The following STARD13 variants were observed in gnomAD, a reference collection of about 807,000 sequenced individuals.
STARD13 encodes the protein StAR related lipid transfer domain containing 13.
Under a neutral mutation model 106.4 loss-of-function variants are expected in STARD13, and 62 were observed. That is an observed-to-expected ratio of 0.58 (90% CI 0.48 to 0.72). The LOEUF (loss-of-function observed/expected upper bound fraction) is 0.72. STARD13 is among the 30% of genes least tolerant of loss of function. STARD13 has a pLI of 0.00. For missense variants in STARD13, 1,387 were observed against 1,424.0 expected (o/e 0.97, Z 0.42); for synonymous variants, 565 against 553.0 (o/e 1.02, Z -0.31).
chr13:33,495,821 A>G, the STARD13 span, among the ~76,000 whole-genome samples: 1 of 146,026 alleles, frequency 6.8e-6, no homozygotes, highest in African/African-American at 2.5e-5. Context: ...TTATTACATA[A>G]TTAATATTAT....
intron 1 of STARD13, among the ~76,000 whole-genome samples, chr13:33,194,917 A>G (rs747429110): frequency 1.6e-4 from 24 of 152,370 alleles, no homozygotes; most frequent in Non-Finnish European, 2.1e-4. Context: ...ATATACACAT[A>G]CCAATATGTT....
the STARD13 span, among the ~76,000 whole-genome samples, chr13:33,474,127 C>T: frequency 6.6e-6 from 1 of 152,112 alleles, no homozygotes; most frequent in South Asian, 2.1e-4. Flanking sequence ...TTGGCCTTTC[C>T]ATGGGCCTCA....
chr13:33,208,478 G>A (rs1368518585), intron 1 of STARD13, among the ~76,000 whole-genome samples: 2 of 152,216 alleles, frequency 1.3e-5, no homozygotes, highest in African/African-American at 4.8e-5. Context: ...AGTCATCAAA[G>A]GTGGGGCGGA....
the STARD13 span, among the ~76,000 whole-genome samples, chr13:33,673,341 C>T: frequency 6.6e-6 from 1 of 152,144 alleles, no homozygotes; most frequent in African/African-American, 2.4e-5. Context: ...TCATGGCCTA[C>T]ATTTGTGGCC....
chr13:33,639,965 C>T, the STARD13 span, among the ~76,000 whole-genome samples: 164 of 152,250 alleles, frequency 1.1e-3, 1 homozygote, highest in African/African-American at 3.6e-3. Flanking sequence ...GTTTTTCTCT[C>T]GACATTGGGT....
chr13:33,646,811 T>C, the STARD13 span, among the ~76,000 whole-genome samples: 7 of 152,176 alleles, frequency 4.6e-5, no homozygotes, highest in African/African-American at 1.7e-4. Flanking sequence ...CAAATTCTTT[T>C]AAAAAGTGGA....
At chr13:33,106,023 C>T (rs1873645161) in intron 13 of STARD13, among the ~76,000 whole-genome samples, 1 of 152,208 alleles carries the variant, frequency 6.6e-6, no homozygotes, top group Non-Finnish European at 1.5e-5. Context: ...TCTACCCAGA[C>T]CAAGAACTGG....
At chr13:33,618,121 C>A in the STARD13 span, among the ~76,000 whole-genome samples, 2 of 152,216 alleles carry the variant, frequency 1.3e-5, no homozygotes, top group South Asian at 2.1e-4. Flanking sequence ...AGTTGTTAAT[C>A]AAAAATGATA....
chr13:33,635,681 CA>C, the STARD13 span, among the ~76,000 whole-genome samples: 3 of 149,280 alleles, frequency 2.0e-5, no homozygotes, highest in South Asian at 2.1e-4. Context: ...AACAAACAAA[CA>C]AAAAAAACAC....
At chr13:33,525,346 G>A in the STARD13 span, among the ~76,000 whole-genome samples, 1 of 152,004 alleles carries the variant, frequency 6.6e-6, no homozygotes, top group Non-Finnish European at 1.5e-5. Context: ...TAAAACTGAA[G>A]TAATATTGAA....
intron 7 of STARD13, among the ~76,000 whole-genome samples, chr13:33,123,070 A>AAAAAAAAAAAAAAAAAAC (rs1876602740): frequency 6.6e-6 from 1 of 150,450 alleles, no homozygotes; most frequent in South Asian, 2.1e-4. Context: ...AAAAAAAAAA[A>AAAAAAAAAAAAAAAAAAC]AAAAAAAAAG....
At chr13:33,612,913 A>G in the STARD13 span, among the ~76,000 whole-genome samples, 4 of 152,216 alleles carry the variant, frequency 2.6e-5, no homozygotes, top group Admixed American at 2.6e-4. Flanking sequence ...AAAAACAGTT[A>G]ATAAGTTGCC....
At chr13:33,277,964 C>T (rs977878540) in intron 1 of STARD13, 2 of 152,128 alleles carry the variant, frequency 1.3e-5, no homozygotes, top group Non-Finnish European at 2.9e-5. Flanking sequence ...AGAATACTTG[C>T]AATGTTCCTC....
At chr13:33,473,427 T>G in the STARD13 span, among the ~76,000 whole-genome samples, 1 of 152,204 alleles carries the variant, frequency 6.6e-6, no homozygotes, top group African/African-American at 2.4e-5. Context: ...AGAAATTTGG[T>G]ATATGTCTGG....
intron 1 of STARD13, among the ~76,000 whole-genome samples, chr13:33,213,634 C>T (rs976383647): frequency 1.3e-5 from 2 of 152,220 alleles, no homozygotes; most frequent in Non-Finnish European, 2.9e-5. Context: ...AAAGCATAAA[C>T]TACCTGCTGG....
the STARD13 span, among the ~76,000 whole-genome samples, chr13:33,629,224 T>C: frequency 0.013 from 1,911 of 152,312 alleles, 38 homozygotes; most frequent in African/African-American, 0.044. Flanking sequence ...TGATTTCACT[T>C]TTAACTATAC....
At chr13:33,358,194 G>A in the STARD13 span, among the ~76,000 whole-genome samples, 52 of 152,190 alleles carry the variant, frequency 3.4e-4, no homozygotes, top group Non-Finnish European at 1.6e-4. Flanking sequence ...TCGATTTCTC[G>A]CCGGGCCTTA....
the STARD13 span, among the ~76,000 whole-genome samples, chr13:33,617,101 C>T: frequency 1.3e-5 from 2 of 152,126 alleles, no homozygotes; most frequent in Non-Finnish European, 2.9e-5. Flanking sequence ...CTTAGTTTAT[C>T]CTCCTTTCCC....
chr13:33,408,658 A>G, the STARD13 span, among the ~76,000 whole-genome samples: 3 of 152,146 alleles, frequency 2.0e-5, no homozygotes, highest in Non-Finnish European at 4.4e-5. Context: ...AAAGCTGATT[A>G]TTATGCTCTC....
Sources: gnomAD v4.1 joint callset for allele counts (sites outside exome capture counted in the v4.1 genomes callset) on GRCh38, gnomAD v4.1.1 for gene constraint, MANE v1.5 for transcripts, NCBI Gene and HGNC (gene_info 2026-07-23, HGNC 2026-07-21) for gene names.